Variants in MEGF6 observed in about 807,000 individuals in gnomAD.
MEGF6 encodes multiple epidermal growth factor-like domains protein 6.
In MEGF6, 184 loss-of-function variants were observed where a neutral mutation model predicts 207.1. That is an observed-to-expected ratio of 0.89 (90% CI 0.79 to 1.00). The LOEUF is 1.00. Ranked by LOEUF, MEGF6 falls within the 50% of genes least tolerant of loss-of-function variation. The pLI is 0.00. For synonymous variants in MEGF6, 1,038 were observed against 910.0 expected, an observed-to-expected ratio of 1.14 and a Z score of -2.53; for missense variants, 2,282 against 2,202.9, an observed-to-expected ratio of 1.04 and a Z score of -0.72.
intron 25 of MEGF6, 76 bp from the exon 26 acceptor site, chr1:3,498,575 C>CA: frequency 6.7e-7 from 1 of 1,490,888 alleles, no homozygotes; most frequent in Non-Finnish European, 9.0e-7. Context: ...ATGCTTCCTG[C>CA]ACGCAGAGCT....
chr1:3,505,691 C>G, intron 15 of MEGF6, 135 bp from the exon 16 acceptor site: 1 of 1,201,202 alleles, frequency 8.3e-7, no homozygotes, highest in South Asian at 1.6e-5. Context: ...TCTCCCCCTG[C>G]AGCCCACCGC....
At chr1:3,582,974 G>A (rs1217369676) in intron 3 of MEGF6, among the ~76,000 whole-genome samples, 2 of 152,108 alleles carry the variant, frequency 1.3e-5, no homozygotes, top group Non-Finnish European at 2.9e-5. Context: ...ACCCAGTTCC[G>A]ACACGCAGGT....
At chr1:3,610,244 T>G (rs1644306424) in intron 1 of MEGF6, among the ~76,000 whole-genome samples, 1 of 152,202 alleles carries the variant, frequency 6.6e-6, no homozygotes, top group South Asian at 2.1e-4. Context: ...GGCAGCTTCT[T>G]CTGTCAGTCC....
In MEGF6 at chr1:3,611,134, T is replaced by C; in HGVS notation, c.131+4A>G. 6.6e-7 allele frequency: 1 copy of C among 1,509,888 alleles called. No individual in the cohort carries two copies. Among genetic ancestry groups the C allele is most frequent in the African/African-American group, 1.4e-5 (1 of 69,664 alleles). 93.5% of individuals were successfully genotyped at this position (1,509,888 alleles called of 1,614,324 possible). On this transcript the variant is annotated splice_donor_region_variant and intron_variant, in intron 1 of 36. Transcript: ENST00000356575. ...GCCGAGCCCTCCCAGCTCCTGCTAC[T>C]CACATGCCGGGCTGCAGCGGGAGCA...
In MEGF6 at chr1:3,501,186, A is replaced by G; in HGVS notation, c.2437T>C (p.Cys813Arg). Reference protein sequence around the residue: ...LCLPGFVGSRCQDVCPAGWYG... With the variant: ...LCLPGFVGSRRQDVCPAGWYG... ...GCTCCAGCTCACTCACCGTCCTGGC[A>G]GCGGCTGCCGACGAAGCCAGGGAGG... Residue 813 changes from cysteine to arginine, a missense_variant, in exon 19 of 37, where the codon TGC (cysteine) becomes CGC (arginine). Transcript: ENST00000356575. The G allele has an allele frequency of 1.2e-6, 2 of 1,612,174 alleles. No individual in the cohort carries two copies. The highest frequency in any genetic ancestry group is 2.2e-5 in the South Asian group (2 of 91,062).
At chr1:3,575,288 C>G (rs985239192) in intron 4 of MEGF6, among the ~76,000 whole-genome samples, 1 of 152,128 alleles carries the variant, frequency 6.6e-6, no homozygotes, top group African/African-American at 2.4e-5. Flanking sequence ...AAAACTGTTC[C>G]TGGTTGGTCT....
At chr1:3,509,841 C>A in intron 11 of MEGF6, 29 bp downstream of exon 11, 1 of 1,528,276 alleles carries the variant, frequency 6.5e-7, no homozygotes, top group African/African-American at 1.4e-5. Flanking sequence ...AGGCAGAGGC[C>A]GGTGCTCCGC....
chr1:3,544,539 T>G (rs1642641862), intron 4 of MEGF6, among the ~76,000 whole-genome samples: 1 of 152,100 alleles, frequency 6.6e-6, no homozygotes, highest in Non-Finnish European at 1.5e-5. Flanking sequence ...CCTGCCCTCA[T>G]GCAGGGGCTG....
chr1:3,553,193 C>T (rs1435354865), intron 4 of MEGF6, among the ~76,000 whole-genome samples: 32 of 149,758 alleles, frequency 2.1e-4, no homozygotes, highest in Admixed American at 2.1e-3. Flanking sequence ...CCTCTTCCTT[C>T]CCTCCCTGGC....
At position 3,505,246 on chromosome 1, in the gene MEGF6, C is replaced by T. The variant is rs746095772; in HGVS notation, c.2150G>A (p.Arg717Gln). ...CDSVSGECGK[R>Q]CPAGFQGEDC... The stretch of plus-strand genomic sequence containing the variant: ...CTCTCCCTGGAAGCCAGCAGGACAC[C>T]GCTTCCCACACTCGCCGCTCACGGA... The change falls in exon 17 of 37, where the codon CGG becomes CAG. Residue 717 changes from arginine (R) to glutamine (Q), a missense_variant. Physicochemically the swap from Arg to Gln is conservative, Grantham distance 43. Coordinates refer to ENST00000356575, the MANE Select transcript of MEGF6 (RefSeq NM_001409.4). The T allele has an allele frequency of 3.7e-6, 6 of 1,612,362 alleles. No homozygotes were observed. The highest frequency in any genetic ancestry group is 1.1e-5 in the South Asian group (1 of 91,084).
the MEGF6 span, among the ~76,000 whole-genome samples, chr1:3,620,371 C>G: frequency 6.6e-6 from 1 of 152,260 alleles, no homozygotes; most frequent in Non-Finnish European, 1.5e-5. Context: ...GGCAGACCCT[C>G]CCATCACAGG....
chr1:3,550,800 G>A (rs908027917), intron 4 of MEGF6, among the ~76,000 whole-genome samples: 6 of 152,380 alleles, frequency 3.9e-5, no homozygotes, highest in East Asian at 1.9e-4. Flanking sequence ...GTGAGAACCC[G>A]AGGGGAGCAA....
At chr1:3,590,868 G>A (rs1042101704) in intron 3 of MEGF6, among the ~76,000 whole-genome samples, 2 of 149,798 alleles carry the variant, frequency 1.3e-5, no homozygotes, top group African/African-American at 4.8e-5. Flanking sequence ...CAGGGGCCGT[G>A]TAAAGAGCGA....
chr1:3,611,975 T>C (rs374006387), upstream of MEGF6, among the ~76,000 whole-genome samples: 31 of 152,012 alleles, frequency 2.0e-4, no homozygotes, highest in East Asian at 3.3e-3. Context: ...CTCCCTCACT[T>C]CTCAAGTCCC....
At chr1:3,586,438 G>C (rs753825994) in intron 3 of MEGF6, among the ~76,000 whole-genome samples, 2 of 152,208 alleles carry the variant, frequency 1.3e-5, no homozygotes, top group Admixed American at 6.5e-5. Context: ...AGCTCGTCTG[G>C]TGGGCGGCGG....
intron 4 of MEGF6, among the ~76,000 whole-genome samples, chr1:3,536,482 C>G (rs2821067): frequency 0.078 from 11,912 of 152,182 alleles, 623 homozygotes; most frequent in Admixed American, 0.14. Context: ...AGGGAGGAGC[C>G]CGGGCGTGGC....
At chr1:3,607,817 A>T (rs1298157365) in intron 1 of MEGF6, among the ~76,000 whole-genome samples, 1 of 152,218 alleles carries the variant, frequency 6.6e-6, no homozygotes, top group Non-Finnish European at 1.5e-5. Context: ...CTGGTGGGCC[A>T]TCTGCTCCCG....
At chr1:3,568,240 G>A (rs1643402591) in intron 4 of MEGF6, among the ~76,000 whole-genome samples, 1 of 152,142 alleles carries the variant, frequency 6.6e-6, no homozygotes, top group Non-Finnish European at 1.5e-5. Context: ...GACCTGCCAT[G>A]AATGTGTCAT....
intron 14 of MEGF6, among the ~76,000 whole-genome samples, chr1:3,506,743 G>A (rs1267829058): frequency 1.3e-5 from 2 of 152,188 alleles, no homozygotes; most frequent in South Asian, 4.1e-4. Flanking sequence ...GTAGTCAGCT[G>A]AAGGTACCCC....
Sources: allele counts gnomAD v4.1 joint callset (sites outside exome capture counted in the v4.1 genomes callset), GRCh38; gene constraint gnomAD v4.1.1; transcripts MANE v1.5; gene names NCBI Gene and HGNC (gene_info 2026-07-23, HGNC 2026-07-21).